PFN2: variants seen among roughly 807,000 people sequenced by gnomAD.
PFN2 encodes the protein profilin 2, also known as profilin-2.
PFN2 carries 8 observed loss-of-function variants against 15.3 expected under a neutral mutation model. The ratio of observed to expected loss-of-function variants is 0.52; its 90% CI spans 0.31 to 0.95. The LOEUF (loss-of-function observed/expected upper bound fraction) is 0.95, where lower values mean the gene tolerates loss of function less well. Among genes scored for constraint, PFN2 ranks in the 40% least tolerant of loss-of-function variants. PFN2 has a pLI of 0.05. For missense variants in PFN2, 111 were observed against 182.3 expected (o/e 0.61, Z 2.25); for synonymous variants, 79 against 67.9 (o/e 1.16, Z -0.81).
chr3:149,970,886 G>C lies in PFN2; in HGVS notation c.-30C>G, dbSNP rs1022096306. 2.6e-5 allele frequency: 34 copies of C among 1,311,834 alleles called. No individual in the cohort carries two copies. The African/African-American group carries it at 4.3e-4, about 16-fold the overall frequency. The allele number at this position is 1,311,834 out of a possible 1,614,324, so 81.3% of individuals were successfully genotyped here. On this transcript the variant is annotated 5_prime_UTR_variant, in exon 1 of 3. Coordinates refer to ENST00000239940, the MANE Select transcript of PFN2 (RefSeq NM_053024.4). ...GAGCCCTTCGCACTGCAGCGCGGACGGCGAGGAGCAGCAGGCGCAGCGGCG... is the reference window on the plus strand; with the variant it reads ...GAGCCCTTCGCACTGCAGCGCGGACCGCGAGGAGCAGCAGGCGCAGCGGCG...
chr3:149,965,507 CTT>C lies in PFN2; in HGVS notation c.*980_*981del, dbSNP rs778104490. ...GTCATGGGAGGAAGTGCTTTTTGCT[CTT>C]GTTTTGCCATTGCACTCTTCATATG... On this transcript the variant is annotated 3_prime_UTR_variant, in exon 3 of 3. Coordinates refer to ENST00000239940, the MANE Select transcript of PFN2 (RefSeq NM_053024.4). The C allele has an allele frequency of 1.2e-4, 170 of 1,405,106 alleles. No homozygotes were observed. The highest frequency in any genetic ancestry group is 2.3e-4 in the Middle Eastern group (1 of 4,256). 87.0% of individuals were successfully genotyped at this position (1,405,106 alleles called of 1,614,324 possible). A position where few individuals can be genotyped will look rare whatever the true frequency, so the allele number is the denominator to read the frequency against.
rs775583201 is a variant in PFN2 at position 149,965,253 on chromosome 3, A to C, written c.*1236T>G. 6.5e-7 allele frequency: 1 copy of C among 1,535,234 alleles called. No individual in the cohort carries two copies. The highest frequency in any genetic ancestry group is 8.7e-7 in the Non-Finnish European group (1 of 1,146,488). On this transcript the variant is annotated 3_prime_UTR_variant, in exon 3 of 3. Transcript: ENST00000239940. ...TTCATCACAAGACAGCCAAGTCCACAATAATGCAACTTCATATAAAAACTC... is the reference window on the plus strand; with the variant it reads ...TTCATCACAAGACAGCCAAGTCCACCATAATGCAACTTCATATAAAAACTC...
intron 2 of PFN2, among the ~76,000 whole-genome samples, chr3:149,967,247 T>C (rs79551277): frequency 0.017 from 2,653 of 152,308 alleles, 83 homozygotes; most frequent in African/African-American, 0.06. Context: ...ACCCAAAATA[T>C]ATGTATATGT....
At chr3:149,968,777 T>C in intron 1 of PFN2, 1 of 501,542 alleles carries the variant, frequency 2.0e-6, no homozygotes, top group Non-Finnish European at 3.5e-6. Context: ...GTTAATGATG[T>C]CGTCTCTTAA....
chr3:149,968,547 T>A lies in PFN2; in HGVS notation c.136A>T (p.Ile46Leu). 6.3e-7 allele frequency: 1 copy of A among 1,581,564 alleles called. No homozygotes were observed. The highest frequency in any genetic ancestry group is 1.1e-5 in the South Asian group (1 of 88,406). ...TTTCCTACAATCATATCTATTTCTA[T>A]TGGCTGCCCCCCACCAAAAAGAAAA... ...AGGVFQSITP[I>L]EIDMIVGKDR... Residue 46 changes from isoleucine (I) to leucine (L), a missense_variant, in exon 2 of 3, where the codon ATA becomes TTA. By Grantham distance (5) the Ile-to-Leu change is conservative. Coordinates refer to ENST00000239940, the MANE Select transcript of PFN2 (RefSeq NM_053024.4).
In PFN2 at chr3:149,966,421, G is replaced by C; in HGVS notation, c.*68C>G. ...TTGCTAATAAAATTTCCAGAATTAA[G>C]ACTTAAGCTTATAGCTAGGAAAGTT... On this transcript the variant is annotated 3_prime_UTR_variant, in exon 3 of 3. Coordinates refer to ENST00000239940, the MANE Select transcript of PFN2 (RefSeq NM_053024.4). 2 of 1,601,626 alleles carry C rather than the reference G, an allele frequency of 1.2e-6. No individual in the cohort carries two copies. Among genetic ancestry groups the C allele is most frequent in the Non-Finnish European group, 1.7e-6 (2 of 1,175,766 alleles).
Position 149,966,234 on chromosome 3 carries a change from A to C in PFN2, c.*255T>G, listed in dbSNP as rs1485024068. 6.2e-7 allele frequency: 1 copy of C among 1,613,662 alleles called. No individual in the cohort carries two copies. The stretch of plus-strand genomic sequence containing the variant: ...TTTCTTGTTAAGTGTGCCTCCGTGG[A>C]CACCTTCCTTTCCCATGACTATAAC... On this transcript the variant is annotated 3_prime_UTR_variant, in exon 3 of 3. Coordinates refer to ENST00000239940, the MANE Select transcript of PFN2 (RefSeq NM_053024.4).
chr3:149,969,326 G>A (rs1019661768), intron 1 of PFN2, among the ~76,000 whole-genome samples: 1 of 152,162 alleles, frequency 6.6e-6, no homozygotes, highest in Non-Finnish European at 1.5e-5. Context: ...AGGAGAAAAC[G>A]TGCATTCTAA....
In PFN2 at chr3:149,965,268, T is replaced by C; in HGVS notation, c.*1221A>G. On this transcript the variant is annotated 3_prime_UTR_variant, in exon 3 of 3. Coordinates refer to ENST00000239940, the MANE Select transcript of PFN2 (RefSeq NM_053024.4). The stretch of plus-strand genomic sequence containing the variant: ...CCAAGTCCACAATAATGCAACTTCA[T>C]ATAAAAACTCAAGCTGCAAATAAAA... 2 of 1,535,260 alleles carry C rather than the reference T, an allele frequency of 1.3e-6. No homozygotes were observed.
At position 149,965,450 on chromosome 3, in the gene PFN2, C is replaced by T; in HGVS notation, c.*1039G>A. 1 of 1,439,718 alleles carries T rather than the reference C, an allele frequency of 6.9e-7. No individual in the cohort carries two copies. The allele number at this position is 1,439,718 out of a possible 1,614,324, so 89.2% of individuals were successfully genotyped here. A position where few individuals can be genotyped will look rare whatever the true frequency, so the allele number is the denominator to read the frequency against. ...TGAGCTATTGCAATGATGGAATGTC[C>T]CTGGGGATTCAATCAGTATGGTTAC... On this transcript the variant is annotated 3_prime_UTR_variant, in exon 3 of 3. Coordinates refer to ENST00000239940, the MANE Select transcript of PFN2 (RefSeq NM_053024.4).
Position 149,965,924 on chromosome 3 carries a change from G to A in PFN2, c.*565C>T. The A allele has an allele frequency of 1.5e-6, 2 of 1,315,694 alleles. No individual in the cohort carries two copies. The highest frequency in any genetic ancestry group is 6.1e-5 in the East Asian group (2 of 32,634). 81.5% of individuals were successfully genotyped at this position (1,315,694 alleles called of 1,614,324 possible). A position where few individuals can be genotyped will look rare whatever the true frequency, so the allele number is the denominator to read the frequency against. The stretch of plus-strand genomic sequence containing the variant: ...GCTAAGACAAAGTGATGCCCAACTT[G>A]GCATGCCCCCTCCCCCCAATTTCAA... On this transcript the variant is annotated 3_prime_UTR_variant, in exon 3 of 3. Coordinates refer to ENST00000239940, the MANE Select transcript of PFN2 (RefSeq NM_053024.4).
At chr3:149,970,411 C>A (rs1305723303) in intron 1 of PFN2, 3 of 223,506 alleles carry the variant, frequency 1.3e-5, no homozygotes, top group Non-Finnish European at 2.6e-5. Flanking sequence ...GGAACCCCTC[C>A]CCTTGCCCTG....
chr3:149,970,510 G>C, intron 1 of PFN2: 2 of 364,902 alleles, frequency 5.5e-6, no homozygotes, highest in Non-Finnish European at 9.2e-6. Context: ...AAGGAGTCCG[G>C]CCGCCGCCCC....
chr3:149,970,369 G>A (rs934072199), intron 1 of PFN2: 2 of 165,498 alleles, frequency 1.2e-5, no homozygotes. Context: ...GGCTTCAAGA[G>A]AACCTAGGGG....
chr3:149,970,649 C>A, intron 1 of PFN2, 76 bp downstream of exon 1: 2 of 1,393,856 alleles, frequency 1.4e-6, no homozygotes, highest in Non-Finnish European at 1.9e-6. Flanking sequence ...GTTCCAGCCC[C>A]GCGCTGCGGT....
Position 149,966,525 on chromosome 3 carries a change from G to C in PFN2, c.387C>G (p.Tyr129Ter), listed in dbSNP as rs1420468084. Residue 129 changes from tyrosine (Y) to a stop codon, truncating the protein, a stop_gained, in exon 3 of 3, where the codon TAC (tyrosine) becomes TAG (stop). Coordinates refer to ENST00000239940, the MANE Select transcript of PFN2 (RefSeq NM_053024.4). LOFTEE classifies it high-confidence loss of function. ...VHGGGLNKKA[Y>*]SMAKYLRDSG... ...AGTCTCTCAAGTATTTTGCCATTGA[G>C]TATGCCTTCTTATTCAATCCGCCTC... The C allele has an allele frequency of 6.2e-7, 1 of 1,612,588 alleles. No individual in the cohort carries two copies.
rs1013459355 is a variant in PFN2 at position 149,965,602 on chromosome 3, C to T, written c.*887G>A. 1.7e-6 allele frequency: 2 copies of T among 1,149,564 alleles called. No individual in the cohort carries two copies. The highest frequency in any genetic ancestry group is 2.1e-6 in the Non-Finnish European group (2 of 934,792). The allele number at this position is 1,149,564 out of a possible 1,614,324, so 71.2% of individuals were successfully genotyped here. A position where few individuals can be genotyped will look rare whatever the true frequency, so the allele number is the denominator to read the frequency against. The stretch of plus-strand genomic sequence containing the variant: ...CAACAACAATACTAAAAGCAAACTA[C>T]TGCAGCTCTCAATAGCTCATCAACA... On this transcript the variant is annotated 3_prime_UTR_variant, in exon 3 of 3. Coordinates refer to ENST00000239940, the MANE Select transcript of PFN2 (RefSeq NM_053024.4).
At chr3:149,966,846 GAAAA>G (rs199588199) in intron 2 of PFN2, among the ~76,000 whole-genome samples, 1 of 139,054 alleles carries the variant, frequency 7.2e-6, no homozygotes, top group Admixed American at 7.2e-5. Context: ...ACTAGCTACA[GAAAA>G]AAAAAAAAGT....
rs772104137 is a variant in PFN2, at chr3:149,966,178, A to G, written c.*311T>C. ...TGGGGAGAGGCTGCTTACACATCAG[A>G]CCTCCTCAGGTATAAAGCGAGTTCA... On this transcript the variant is annotated 3_prime_UTR_variant, in exon 3 of 3. Coordinates refer to ENST00000239940, the MANE Select transcript of PFN2 (RefSeq NM_053024.4). 1 of 1,613,408 alleles carries G rather than the reference A, an allele frequency of 6.2e-7. No individual in the cohort carries two copies. Among genetic ancestry groups the G allele is most frequent in the South Asian group, 1.1e-5 (1 of 91,006 alleles).
Sources: gnomAD v4.1 joint callset for allele counts (sites outside exome capture counted in the v4.1 genomes callset) on GRCh38, gnomAD v4.1.1 for gene constraint, MANE v1.5 for transcripts, NCBI Gene and HGNC (gene_info 2026-07-23, HGNC 2026-07-21) for gene names.